The following ZNF532 variants were observed in gnomAD, a reference collection of about 807,000 sequenced individuals.
ZNF532 encodes zinc finger protein 532.
A neutral mutation model predicts 89.3 loss-of-function variants in ZNF532; 22 were observed. The ratio of observed to expected loss-of-function variants is 0.25; its 90% confidence interval spans 0.18 to 0.35. The LOEUF (loss-of-function observed/expected upper bound fraction) is 0.35, where lower values mean the gene tolerates loss of function less well. Ranked by LOEUF, ZNF532 falls within the 10% of genes least tolerant of loss-of-function variation. The pLI, the probability that ZNF532 is intolerant of heterozygous loss-of-function variation, is 1.00. For missense variants in ZNF532, 1,132 were observed against 1,643.4 expected (o/e 0.69, Z 5.38); for synonymous variants, 606 against 649.6 (o/e 0.93, Z 1.02).
rs575410895 is a variant in ZNF532, at chr18:58,984,947, C to T, written c.*481C>T. 3 of 161,472 alleles carry T rather than the reference C, an allele frequency of 1.9e-5. No homozygotes were observed. Among genetic ancestry groups the T allele is most frequent in the East Asian group, 3.5e-4 (2 of 5,666 alleles). The allele number at this position is 161,472 out of a possible 1,614,324, so 10.0% of individuals were successfully genotyped here. ...TGTAAGTAATTGTGGGTCTCAAAAACACTAGGAACTTTTAAGTGTCTTAGC... is the reference window on the plus strand; with the variant it reads ...TGTAAGTAATTGTGGGTCTCAAAAATACTAGGAACTTTTAAGTGTCTTAGC... On this transcript the variant is annotated 3_prime_UTR_variant, in exon 10 of 10. Coordinates refer to ENST00000591808, the MANE Select transcript of ZNF532 (RefSeq NM_001375912.1).
intron 2 of ZNF532, among the ~76,000 whole-genome samples, chr18:58,894,872 A>T (rs1602748990): frequency 6.6e-6 from 1 of 152,222 alleles, no homozygotes; most frequent in African/African-American, 2.4e-5. Context: ...GGTGGCCTGT[A>T]GTCCCAGCAC....
At chr18:58,946,760 C>G (rs1008428288) in intron 5 of ZNF532, among the ~76,000 whole-genome samples, 1 of 152,128 alleles carries the variant, frequency 6.6e-6, no homozygotes, top group Non-Finnish European at 1.5e-5. Flanking sequence ...CTCAACACCC[C>G]CTCCCCCAAG....
At chr18:58,963,372 C>CA (rs1220384562) in intron 7 of ZNF532, among the ~76,000 whole-genome samples, 2 of 152,040 alleles carry the variant, frequency 1.3e-5, no homozygotes, top group African/African-American at 2.4e-5. Flanking sequence ...TCAGTTCACT[C>CA]AGAGATGTAG....
chr18:58,918,637 C>G lies in ZNF532; in HGVS notation c.350C>G (p.Ser117Cys). 2 of 1,614,184 alleles carry G rather than the reference C, an allele frequency of 1.2e-6. No homozygotes were observed. Among genetic ancestry groups the G allele is most frequent in the South Asian group, 2.2e-5 (2 of 91,082 alleles). ...AKSLKGDVPA[S>C]EVTLKDSTFS... is the part of the protein sequence containing the mutation. ...TCCTTGAAAGGAGATGTGCCTGCCT[C>G]TGAGGTGACACTGAAAGACTCGACA... The change falls in exon 3 of 10, where the codon TCT (serine) becomes TGT (cysteine). Residue 117 changes from serine (S) to cysteine (C), a missense_variant. Coordinates refer to ENST00000591808, the MANE Select transcript of ZNF532 (RefSeq NM_001375912.1).
At chr18:58,923,863 A>AT (rs35384932) in intron 3 of ZNF532, among the ~76,000 whole-genome samples, 30,636 of 148,516 alleles carry the variant, frequency 0.21, 4,000 homozygotes, top group Middle Eastern at 0.39. Flanking sequence ...CATATTCCAT[A>AT]TTTTTTTTTT....
At chr18:58,925,127 A>C (rs2061425731) in intron 3 of ZNF532, among the ~76,000 whole-genome samples, 2 of 152,108 alleles carry the variant, frequency 1.3e-5, no homozygotes, top group African/African-American at 4.8e-5. Flanking sequence ...CTCTGGGATA[A>C]ATGCCTATTT....
intron 2 of ZNF532, among the ~76,000 whole-genome samples, chr18:58,892,986 T>C (rs1223116053): frequency 5.3e-5 from 8 of 150,630 alleles, no homozygotes; most frequent in Non-Finnish European, 1.5e-5. Context: ...TACTTTCTTT[T>C]TTTTTTTTTT....
chr18:58,974,535 C>T (rs1317808251), intron 7 of ZNF532, among the ~76,000 whole-genome samples: 5 of 152,194 alleles, frequency 3.3e-5, no homozygotes, highest in Non-Finnish European at 5.9e-5. Context: ...ACAAATTTAT[C>T]CCAGTACCAA....
intron 2 of ZNF532, among the ~76,000 whole-genome samples, chr18:58,867,681 T>C (rs1389669228): frequency 6.6e-6 from 1 of 152,204 alleles, no homozygotes; most frequent in Non-Finnish European, 1.5e-5. Context: ...CGACCTGCGG[T>C]CCATCCCCTC....
chr18:58,892,114 C>T (rs889645771), intron 2 of ZNF532, among the ~76,000 whole-genome samples: 4 of 151,838 alleles, frequency 2.6e-5, no homozygotes, highest in Non-Finnish European at 4.4e-5. Flanking sequence ...ATTTTAATGT[C>T]TCCATTTCTC....
At chr18:58,887,932 G>A (rs73439914) in intron 2 of ZNF532, among the ~76,000 whole-genome samples, 2,643 of 152,200 alleles carry the variant, frequency 0.017, 96 homozygotes, top group African/African-American at 0.06. Flanking sequence ...CTTTTCCTGC[G>A]GAATTAAAGG....
intron 7 of ZNF532, among the ~76,000 whole-genome samples, chr18:58,957,414 T>C (rs970174741): frequency 2.4e-5 from 2 of 81,994 alleles, no homozygotes; most frequent in African/African-American, 7.1e-5. Flanking sequence ...TACATATATA[T>C]ATATATATAT....
intron 7 of ZNF532, among the ~76,000 whole-genome samples, chr18:58,968,235 A>C (rs1420271222): frequency 6.6e-6 from 1 of 152,202 alleles, no homozygotes; most frequent in African/African-American, 2.4e-5. Flanking sequence ...TGAGACAGGA[A>C]AAATAGGAGA....
At chr18:58,880,322 T>C (rs1390077020) in intron 2 of ZNF532, among the ~76,000 whole-genome samples, 1 of 152,208 alleles carries the variant, frequency 6.6e-6, no homozygotes, top group Non-Finnish European at 1.5e-5. Context: ...TCTAAGTCGT[T>C]AGGCCTCAGA....
At chr18:58,894,859 C>T (rs376198376) in intron 2 of ZNF532, among the ~76,000 whole-genome samples, 124 of 152,238 alleles carry the variant, frequency 8.1e-4, no homozygotes, top group African/African-American at 2.9e-3. Flanking sequence ...GGGAGCTGGA[C>T]ATGGTGGCCT....
chr18:58,961,634 C>A (rs184336029), intron 7 of ZNF532, among the ~76,000 whole-genome samples: 1 of 152,300 alleles, frequency 6.6e-6, no homozygotes, highest in Non-Finnish European at 1.5e-5. Flanking sequence ...GTAAGGTGGC[C>A]ACAGTGAATC....
intron 2 of ZNF532, among the ~76,000 whole-genome samples, chr18:58,885,177 C>T (rs1001823271): frequency 1.1e-4 from 16 of 152,116 alleles, no homozygotes; most frequent in Admixed American, 4.6e-4. Flanking sequence ...TTAGTAGAGA[C>T]GGAGTTTCTG....
chr18:58,919,576 C>A lies in ZNF532; in HGVS notation c.1289C>A (p.Thr430Asn). ...GCGCCTCTCCAGTCTGCGGTCGTGA[C>A]CAATGCAGTTTCCCCTGCAGAGCTC... ...PRAPLQSAVV[T>N]NAVSPAELTP... Residue 430 changes from threonine to asparagine, a missense_variant, in exon 3 of 10, where the codon ACC becomes AAC. Physicochemically the swap from Thr to Asn is moderately conservative, Grantham distance 65 (BLOSUM62 0). Transcript: ENST00000591808. This position sits in a 1 kb window ranked among gnomAD's most constrained non-coding sequence, Gnocchi z 6.1. 6.2e-7 allele frequency: 1 copy of A among 1,614,190 alleles called. No homozygotes were observed. Among genetic ancestry groups the A allele is most frequent in the Non-Finnish European group, 8.5e-7 (1 of 1,180,042 alleles).
rs556657656 is a variant in ZNF532, at chr18:58,937,403, A to G, written c.2529-2042A>G. Among the ~76,000 whole-genome samples the G allele has an allele frequency of 2.0e-5, 3 of 152,296 alleles. No homozygotes were observed. The South Asian group carries it at 6.2e-4, about 32-fold the overall frequency. ...CCTGCTTTCGTTTCTTACATTAAGG[A>G]GGGTTTCCCTTGGTCTCCATGGTGT... is the stretch of plus-strand genomic sequence containing the variant. On this transcript the variant is annotated intron_variant, in intron 4 of 9. Transcript: ENST00000591808.
Sources: gnomAD v4.1 joint callset for allele counts (sites outside exome capture counted in the v4.1 genomes callset) on GRCh38, gnomAD v4.1.1 for gene constraint, Gnocchi (gnomAD v3.1) non-coding constraint, MANE v1.5 for transcripts, NCBI Gene and HGNC (gene_info 2026-07-23, HGNC 2026-07-21) for gene names.